The following PRKN variants were observed in gnomAD, a reference collection of about 807,000 sequenced individuals.
PRKN encodes the protein parkin RBR E3 ubiquitin protein ligase.
In PRKN, 56 loss-of-function variants were observed where a neutral mutation model predicts 59.5. The ratio of observed to expected loss-of-function variants is 0.94; its 90% CI spans 0.76 to 1.18. The LOEUF (loss-of-function observed/expected upper bound fraction) is 1.18, where lower values mean the gene tolerates loss of function less well. Ranked by LOEUF, PRKN falls within the 50% of genes most tolerant of loss-of-function variation. The probability of loss-of-function intolerance (pLI) is 0.00; values close to 1 mark genes in which losing one functional copy is unlikely to be tolerated. For missense variants in PRKN, 657 were observed against 596.4 expected (o/e 1.10, Z -1.06); for synonymous variants, 250 against 222.1 (o/e 1.13, Z -1.12).
chr6:162,696,679 G>A (rs895096778), intron 1 of PRKN, among the ~76,000 whole-genome samples: 56 of 151,182 alleles, frequency 3.7e-4, no homozygotes, highest in Middle Eastern at 6.8e-3. Flanking sequence ...AAGCAGCAGG[G>A]ACTACAGGTG....
Position 162,356,549 on chromosome 6 carries a change from G to A in PRKN, c.171+86761C>T, listed in dbSNP as rs561132798. Among the ~76,000 whole-genome samples, 4 of 149,988 alleles carry A rather than the reference G, an allele frequency of 2.7e-5. No individual in the cohort carries two copies. In the South Asian group the frequency reaches 6.3e-4, roughly 24 times the overall value. ...ATATATAATACATTTTTTTTTGCTTGGTCAAAACAAAGTTTAAATTAAATA... is the reference window on the plus strand; with the variant it reads ...ATATATAATACATTTTTTTTTGCTTAGTCAAAACAAAGTTTAAATTAAATA... On this transcript the variant is annotated intron_variant, in intron 2 of 11. Transcript: ENST00000366898.
At chr6:162,426,881 T>C (rs1716611871) in intron 2 of PRKN, among the ~76,000 whole-genome samples, 1 of 152,334 alleles carries the variant, frequency 6.6e-6, no homozygotes, top group South Asian at 2.1e-4. Flanking sequence ...CACATTAATG[T>C]GGGAAATCTT....
intron 2 of PRKN, among the ~76,000 whole-genome samples, chr6:162,385,441 T>A (rs569348424): frequency 6.6e-6 from 1 of 152,312 alleles, no homozygotes; most frequent in South Asian, 2.1e-4. Flanking sequence ...CCTGATAATA[T>A]CATTAACGGC....
At position 161,349,208 on chromosome 6, in the gene PRKN, TTATC is replaced by T. The variant is rs572345942; in HGVS notation, c.*887_*890del. On this transcript the variant is annotated 3_prime_UTR_variant, in exon 12 of 12. Coordinates refer to ENST00000366898, the MANE Select transcript of PRKN (RefSeq NM_004562.3). This position sits in a 1 kb window ranked among gnomAD's most constrained non-coding sequence, Gnocchi z 5.5. ...TAAACGTGTTTCCTTTATAGGCACT[TTATC>T]TATTAAATTTACAGTGGAGCCAAAT... The T allele has an allele frequency of 6.3e-3, 1,402 of 221,184 alleles. 8 individuals carry two copies. The highest frequency in any genetic ancestry group is 0.019 in the Middle Eastern group (14 of 718). 13.7% of individuals were successfully genotyped at this position (221,184 alleles called of 1,614,324 possible).
At chr6:161,958,020 A>T (rs575076454) in intron 6 of PRKN, among the ~76,000 whole-genome samples, 20 of 152,352 alleles carry the variant, frequency 1.3e-4, no homozygotes, top group African/African-American at 4.3e-4. Context: ...AATACCCTTT[A>T]AAAAGGGGCA....
At chr6:162,507,725 A>C (rs534667448) in intron 1 of PRKN, among the ~76,000 whole-genome samples, 1 of 152,282 alleles carries the variant, frequency 6.6e-6, no homozygotes, top group South Asian at 2.1e-4. Flanking sequence ...TGATCATTTG[A>C]TCTATGTCTG....
intron 6 of PRKN, among the ~76,000 whole-genome samples, chr6:161,937,298 T>C (rs893831222): frequency 9.9e-5 from 15 of 152,236 alleles, no homozygotes; most frequent in African/African-American, 3.6e-4. Context: ...CCATTTTTTT[T>C]CCACAAACAT....
In PRKN at chr6:161,835,629, G is replaced by A. The variant is rs545980407; in HGVS notation, c.735-49721C>T. ...TGCGTTTCCACGCCGGGGATAGGCG[G>A]CACCGGCTTATCCACGCATGGGGAG... On this transcript the variant is annotated intron_variant, in intron 6 of 11. Transcript: ENST00000366898. Among the ~76,000 whole-genome samples, 1,275 of 152,320 alleles carry A rather than the reference G, an allele frequency of 8.4e-3. 11 individuals carry two copies. Among genetic ancestry groups the A allele is most frequent in the Non-Finnish European group, 0.012 (827 of 68,030 alleles).
intron 1 of PRKN, among the ~76,000 whole-genome samples, chr6:162,675,494 C>T (rs965650817): frequency 3.9e-5 from 6 of 152,026 alleles, no homozygotes; most frequent in African/African-American, 1.5e-4. Context: ...TTTACAACAC[C>T]AGGGAAAATT....
chr6:162,710,579 C>T (rs1462911001), intron 1 of PRKN, among the ~76,000 whole-genome samples: 2 of 152,068 alleles, frequency 1.3e-5, no homozygotes, highest in African/African-American at 4.8e-5. Flanking sequence ...GCCCTCTGGG[C>T]TTATTCAATG....
chr6:162,196,141 C>T, intron 4 of PRKN, among the ~76,000 whole-genome samples: 1 of 152,190 alleles, frequency 6.6e-6, no homozygotes, highest in East Asian at 1.9e-4. Context: ...CAGGACTCCT[C>T]AGCCATGATC....
intron 6 of PRKN, among the ~76,000 whole-genome samples, chr6:161,878,511 A>T (rs77269902): frequency 0.02 from 2,995 of 152,136 alleles, 90 homozygotes; most frequent in African/African-American, 0.064. Context: ...TTGTGTTTGA[A>T]TTTTCTCATG....
At chr6:162,051,192 C>A (rs540359091) in intron 5 of PRKN, among the ~76,000 whole-genome samples, 3 of 152,102 alleles carry the variant, frequency 2.0e-5, no homozygotes, top group African/African-American at 7.2e-5. Context: ...GTCCACACTG[C>A]AGAAGGGATT....
At chr6:161,910,107 A>C (rs1196153631) in intron 6 of PRKN, among the ~76,000 whole-genome samples, 14 of 152,316 alleles carry the variant, frequency 9.2e-5, no homozygotes, top group African/African-American at 3.4e-4. Context: ...GTGGGGCCTG[A>C]AGATGTGACT....
At chr6:161,981,739 C>T (rs1431256390) in intron 5 of PRKN, among the ~76,000 whole-genome samples, 1 of 152,144 alleles carries the variant, frequency 6.6e-6, no homozygotes, top group African/African-American at 2.4e-5. Flanking sequence ...TACAAAGTAA[C>T]TATGCAAACT....
At position 161,401,333 on chromosome 6, in the gene PRKN, G is replaced by A. The variant is rs117441472; in HGVS notation, c.1084-14456C>T. ...TTAATTTTAAAAGTTAGAGTTGGCC[G>A]GGCATGGTGGCTCACATCTGTAATC... On this transcript the variant is annotated intron_variant, in intron 9 of 11. Coordinates refer to ENST00000366898, the MANE Select transcript of PRKN (RefSeq NM_004562.3). This position sits in a 1 kb window ranked among gnomAD's most constrained non-coding sequence, Gnocchi z 4.4. Among the ~76,000 whole-genome samples the A allele has an allele frequency of 3.7e-4, 56 of 152,246 alleles. No individual in the cohort carries two copies. In the East Asian group the frequency reaches 7.7e-3, roughly 21 times the overall value.
chr6:162,674,986 T>A (rs114288791), intron 1 of PRKN, among the ~76,000 whole-genome samples: 3 of 152,056 alleles, frequency 2.0e-5, no homozygotes, highest in Non-Finnish European at 1.5e-5. Context: ...GATGGTAACA[T>A]AGAGGAAGCA....
At chr6:161,667,534 C>G (rs1428948017) in intron 7 of PRKN, among the ~76,000 whole-genome samples, 6 of 152,168 alleles carry the variant, frequency 3.9e-5, no homozygotes, top group African/African-American at 1.4e-4. Flanking sequence ...TGTTAATATC[C>G]TTGTTAGAGG....
chr6:162,667,769 G>A (rs1229775335), intron 1 of PRKN, among the ~76,000 whole-genome samples: 1 of 152,090 alleles, frequency 6.6e-6, no homozygotes, highest in African/African-American at 2.4e-5. Flanking sequence ...ACTTAGAGCT[G>A]AGTAAAAATA....
Sources: allele counts gnomAD v4.1 joint callset (sites outside exome capture counted in the v4.1 genomes callset), GRCh38; gene constraint gnomAD v4.1.1; non-coding constraint Gnocchi (gnomAD v3.1); transcripts MANE v1.5; gene names NCBI Gene and HGNC (gene_info 2026-07-23, HGNC 2026-07-21).